The following SLC36A1 variants were observed in gnomAD, a reference collection of about 807,000 sequenced individuals.
The protein encoded by SLC36A1 is solute carrier family 36 member 1.
Under a neutral mutation model 47.5 loss-of-function variants are expected in SLC36A1, and 30 were observed. That is an observed-to-expected ratio of 0.63 (90% CI 0.47 to 0.86). The LOEUF is 0.86. Ranked by LOEUF, SLC36A1 falls within the 40% of genes least tolerant of loss-of-function variation. The pLI, the probability that SLC36A1 is intolerant of heterozygous loss-of-function variation, is 0.00. For synonymous variants in SLC36A1, 255 were observed against 249.7 expected (o/e 1.02, Z -0.20); for missense variants, 517 against 606.0 (o/e 0.85, Z 1.54).
upstream of SLC36A1, among the ~76,000 whole-genome samples, chr5:151,443,692 T>C (rs1752759403): frequency 6.6e-6 from 1 of 152,234 alleles, no homozygotes; most frequent in Admixed American, 6.5e-5. Context: ...TATTTATTTT[T>C]GCTTTTGTAA....
At chr5:151,537,208 A>G in the SLC36A1 span, among the ~76,000 whole-genome samples, 1 of 142,576 alleles carries the variant, frequency 7.0e-6, no homozygotes, top group East Asian at 2.3e-4. Flanking sequence ...AGAAAGAAGA[A>G]GAGGAAGAAG....
upstream of SLC36A1, among the ~76,000 whole-genome samples, chr5:151,432,229 T>C (rs1466345132): frequency 6.6e-6 from 1 of 152,184 alleles, no homozygotes; most frequent in African/African-American, 2.4e-5. Context: ...ATAAATAAGT[T>C]TTTAAAAATT....
At chr5:151,493,291 A>T (rs1561798645), downstream of SLC36A1, among the ~76,000 whole-genome samples, 1 of 152,198 alleles carries the variant, frequency 6.6e-6, no homozygotes, top group Non-Finnish European at 1.5e-5. Flanking sequence ...TGCGGCAAAC[A>T]CTAGCCAGGT....
chr5:151,506,962 G>A, the SLC36A1 span, among the ~76,000 whole-genome samples: 1 of 152,214 alleles, frequency 6.6e-6, no homozygotes, highest in African/African-American at 2.4e-5. Flanking sequence ...GAGTGCAATA[G>A]AATGAGCCTC....
At chr5:151,505,641 G>A in the SLC36A1 span, 1 of 1,614,140 alleles carries the variant, frequency 6.2e-7, no homozygotes, top group East Asian at 2.2e-5. Flanking sequence ...GGGCACCCGG[G>A]GCTGGCCCTG....
At chr5:151,371,909 A>G in the SLC36A1 span, among the ~76,000 whole-genome samples, 1 of 151,986 alleles carries the variant, frequency 6.6e-6, no homozygotes, top group African/African-American at 2.4e-5. Flanking sequence ...GGGAAAGGGG[A>G]GGGAGATTCT....
At chr5:151,550,473 C>T in the SLC36A1 span, 240 of 1,187,266 alleles carry the variant, frequency 2.0e-4, 2 homozygotes, top group South Asian at 2.8e-3. Flanking sequence ...TGTCACAACT[C>T]TGTCTCGTGC....
the SLC36A1 span, among the ~76,000 whole-genome samples, chr5:151,368,508 A>G: frequency 1.3e-5 from 2 of 152,226 alleles, no homozygotes; most frequent in Non-Finnish European, 2.9e-5. Flanking sequence ...CTGTGCCACC[A>G]TATACCCAAG....
chr5:151,352,302 C>T, the SLC36A1 span, among the ~76,000 whole-genome samples: 1 of 152,142 alleles, frequency 6.6e-6, no homozygotes, highest in African/African-American at 2.4e-5. Context: ...TTATGTCCTC[C>T]CACTAGAATT....
At chr5:151,551,937 T>G in the SLC36A1 span, among the ~76,000 whole-genome samples, 13 of 152,018 alleles carry the variant, frequency 8.6e-5, no homozygotes, top group Non-Finnish European at 1.0e-4. Flanking sequence ...ATATTACATT[T>G]AAAAATATTA....
the SLC36A1 span, among the ~76,000 whole-genome samples, chr5:151,355,844 T>G: frequency 6.6e-6 from 1 of 152,148 alleles, no homozygotes; most frequent in Non-Finnish European, 1.5e-5. Context: ...AAAATACACA[T>G]GCATACACAT....
chr5:151,395,357 G>T, the SLC36A1 span, among the ~76,000 whole-genome samples: 5 of 152,214 alleles, frequency 3.3e-5, no homozygotes, highest in African/African-American at 1.2e-4. Context: ...CGCTTCCCGG[G>T]TGAGGTGATG....
the SLC36A1 span, chr5:151,551,408 C>T: frequency 1.0e-5 from 16 of 1,584,374 alleles, no homozygotes; most frequent in South Asian, 2.3e-5. Flanking sequence ...AGCCTCATCC[C>T]AACCAAGAAG....
chr5:151,414,456 T>C, the SLC36A1 span, among the ~76,000 whole-genome samples: 1 of 152,138 alleles, frequency 6.6e-6, no homozygotes, highest in Non-Finnish European at 1.5e-5. Flanking sequence ...GTGAGCCAGA[T>C]TAAGGTATTT....
At chr5:151,393,124 T>G in the SLC36A1 span, among the ~76,000 whole-genome samples, 1 of 151,600 alleles carries the variant, frequency 6.6e-6, no homozygotes, top group Non-Finnish European at 1.5e-5. Context: ...AGTTAGCTCT[T>G]CTTGTTGAAT....
the SLC36A1 span, among the ~76,000 whole-genome samples, chr5:151,355,406 C>T: frequency 6.6e-6 from 1 of 152,244 alleles, no homozygotes; most frequent in Non-Finnish European, 1.5e-5. Flanking sequence ...CACAATACGA[C>T]ATACTACTGG....
chr5:151,550,814 G>T, the SLC36A1 span: 1 of 1,613,852 alleles, frequency 6.2e-7, no homozygotes, highest in Non-Finnish European at 8.5e-7. Flanking sequence ...ACTTCATAAC[G>T]AGTTTCCAGA....
At chr5:151,415,949 T>C in the SLC36A1 span, among the ~76,000 whole-genome samples, 1 of 151,990 alleles carries the variant, frequency 6.6e-6, no homozygotes, top group Non-Finnish European at 1.5e-5. Context: ...CTACTAAAAA[T>C]ACAAAAAATT....
the SLC36A1 span, among the ~76,000 whole-genome samples, chr5:151,376,512 T>C: frequency 6.6e-6 from 1 of 152,192 alleles, no homozygotes; most frequent in African/African-American, 2.4e-5. Flanking sequence ...TGATAATAAG[T>C]TGTTAATTGG....
Sources: gnomAD v4.1 joint callset for allele counts (sites outside exome capture counted in the v4.1 genomes callset) on GRCh38, gnomAD v4.1.1 for gene constraint, MANE v1.5 for transcripts, NCBI Gene and HGNC (gene_info 2026-07-23, HGNC 2026-07-21) for gene names.